The following PLEKHA4 variants were observed in gnomAD, a reference collection of about 807,000 sequenced individuals.
The protein encoded by PLEKHA4 is pleckstrin homology domain-containing family A member 4.
PLEKHA4 carries 73 observed loss-of-function variants against 94.7 expected under a neutral mutation model. The ratio of observed to expected loss-of-function variants is 0.77; its 90% CI spans 0.64 to 0.94. The LOEUF (loss-of-function observed/expected upper bound fraction) is 0.94, where lower values mean the gene tolerates loss of function less well. PLEKHA4 is among the 40% of genes least tolerant of loss of function. The pLI is 0.00. For synonymous variants in PLEKHA4, 449 were observed against 437.1 expected, an observed-to-expected ratio of 1.03 and a Z score of -0.34; for missense variants, 1,049 against 1,054.1, an observed-to-expected ratio of 1.00 and a Z score of 0.07.
chr19:48,859,223 C>T, intron 7 of PLEKHA4, 84 bp from the exon 8 acceptor site: 4 of 1,115,868 alleles, frequency 3.6e-6, no homozygotes, highest in South Asian at 1.4e-5. Flanking sequence ...GCCTCAAGGA[C>T]ATGTCTCACT....
chr19:48,860,437 G>C lies in PLEKHA4; in HGVS notation c.389C>G (p.Thr130Ser). 1.9e-6 allele frequency: 3 copies of C among 1,614,082 alleles called. No individual in the cohort carries two copies. The highest frequency in any genetic ancestry group is 2.5e-6 in the Non-Finnish European group (3 of 1,180,002). Residue 130 changes from threonine (T) to serine (S), a missense_variant, in exon 6 of 20, where the codon ACC becomes AGC. Physicochemically the swap from Thr to Ser is moderately conservative, Grantham distance 58. Coordinates refer to ENST00000263265, the MANE Select transcript of PLEKHA4 (RefSeq NM_020904.3). ...TFTAEHPGMRTYVLAADTLED... is the reference protein window; with the variant it reads ...TFTAEHPGMRSYVLAADTLED... ...TAAGGTGTCAGCGGCCAAAACGTAG[G>C]TCCTCATGCCCGGGTGCTCTGCCTG...
Position 48,867,198 on chromosome 19 carries a change from C to T in PLEKHA4, c.84+339G>A, listed in dbSNP as rs905152768. 5.9e-5 allele frequency among the ~76,000 whole-genome samples: 9 copies of T among 151,976 alleles called. No homozygotes were observed. The highest frequency in any genetic ancestry group is 1.5e-4 in the African/African-American group (6 of 41,370). ...TTTCATTAGTGGGTAGATTGGATGG[C>T]GAGAGATAGGACAGCAAGTTCTGGC... On this transcript the variant is annotated intron_variant, in intron 2 of 19. Coordinates refer to ENST00000263265, the MANE Select transcript of PLEKHA4 (RefSeq NM_020904.3). This position sits in a 1 kb window ranked among gnomAD's most constrained non-coding sequence, Gnocchi z 4.7.
intron 8 of PLEKHA4, among the ~76,000 whole-genome samples, chr19:48,858,162 A>C (rs939023654): frequency 6.6e-6 from 1 of 152,112 alleles, no homozygotes; most frequent in African/African-American, 2.4e-5. Flanking sequence ...TCATTCTCAG[A>C]CTTGCAGTCA....
At chr19:48,861,163 G>A (rs12610383) in intron 5 of PLEKHA4, among the ~76,000 whole-genome samples, 7,408 of 152,174 alleles carry the variant, frequency 0.049, 262 homozygotes, top group East Asian at 0.15. Context: ...AGCCGAGATC[G>A]CACCACTGCA....
chr19:48,853,497 C>A (rs893320393), intron 12 of PLEKHA4, among the ~76,000 whole-genome samples, 185 bp downstream of exon 12: 3 of 125,048 alleles, frequency 2.4e-5, no homozygotes, highest in African/African-American at 1.2e-4. Flanking sequence ...AGACTCTGTC[C>A]CCCCCAAAAA....
In PLEKHA4 at chr19:48,867,489, C is replaced by T. The variant is rs374699802; in HGVS notation, c.84+48G>A. 2.2e-5 allele frequency: 34 copies of T among 1,542,714 alleles called. No homozygotes were observed. Among genetic ancestry groups the T allele is most frequent in the African/African-American group, 2.7e-5 (2 of 73,834 alleles). ...GTCCTTGGGGAAACAGAAGGATGGG[C>T]GGCCCAGAGCCCCACCTTCCTCCCC... On this transcript the variant is annotated intron_variant, in intron 2 of 19. Transcript: ENST00000263265. The surrounding 1 kb of genome is among the most constrained non-coding windows in gnomAD (Gnocchi z 4.7).
At chr19:48,859,825 G>A in intron 6 of PLEKHA4, 141 bp from the exon 7 acceptor site, 1 of 782,762 alleles carries the variant, frequency 1.3e-6, no homozygotes. Flanking sequence ...CTTCAGAAGG[G>A]GAAACTGAGG....
intron 16 of PLEKHA4, among the ~76,000 whole-genome samples, chr19:48,842,143 C>CTTTTTTTT (rs398059794): frequency 1.6e-5 from 2 of 121,442 alleles, no homozygotes; most frequent in African/African-American, 3.4e-5. Flanking sequence ...AATTTATTTT[C>CTTTTTTTT]TTTTTTTTTT....
chr19:48,839,705 G>A (rs2035678278), intron 17 of PLEKHA4, among the ~76,000 whole-genome samples: 1 of 151,892 alleles, frequency 6.6e-6, no homozygotes, highest in African/African-American at 2.4e-5. Context: ...CCCAGTGACT[G>A]ACAATGTTTA....
intron 12 of PLEKHA4, 122 bp downstream of exon 12, chr19:48,853,560 A>G: frequency 9.4e-7 from 1 of 1,062,630 alleles, no homozygotes; most frequent in East Asian, 2.9e-5. Flanking sequence ...AAATAATAAA[A>G]TTTGGAGTGT....
intron 9 of PLEKHA4, 29 bp downstream of exon 9, chr19:48,857,393 G>A (rs751587681): frequency 1.8e-6 from 2 of 1,123,880 alleles, no homozygotes; most frequent in Non-Finnish European, 2.6e-6. Context: ...GGGGGCTCCG[G>A]TAGATTTAGG....
intron 17 of PLEKHA4, 24 bp from the exon 18 acceptor site, chr19:48,839,287 A>G: frequency 2.6e-6 from 4 of 1,529,876 alleles, no homozygotes; most frequent in Non-Finnish European, 3.6e-6. Context: ...GGGGCATTAG[A>G]ACTCCTCACC....
In PLEKHA4 at chr19:48,858,951, G is replaced by T; in HGVS notation, c.881C>A (p.Pro294His). Reference protein sequence around the residue: ...WGPQRQTLSRPPTPRRGPPSE... With the variant: ...WGPQRQTLSRHPTPRRGPPSE... ...GGGAGGTCCTCGGCGGGGAGTAGGG[G>T]GTCGGGAGAGGGTCTGGCGTTGGGG... Residue 294 changes from proline (P) to histidine (H), a missense_variant, in exon 8 of 20, where the codon CCC (proline) becomes CAC (histidine). By Grantham distance (77) the Pro-to-His change is moderately conservative. Transcript: ENST00000263265. 1.9e-6 allele frequency: 3 copies of T among 1,595,862 alleles called. No individual in the cohort carries two copies. Among genetic ancestry groups the T allele is most frequent in the Non-Finnish European group, 2.6e-6 (3 of 1,174,200 alleles).
rs559853299 is a variant in PLEKHA4 at position 48,867,269 on chromosome 19, T to C, written c.84+268A>G. On this transcript the variant is annotated intron_variant, in intron 2 of 19. Coordinates refer to ENST00000263265, the MANE Select transcript of PLEKHA4 (RefSeq NM_020904.3). The surrounding 1 kb of genome is among the most constrained non-coding windows in gnomAD (Gnocchi z 4.7). ...ACTTCTCAGAACTCGAGGGGCCTCA[T>C]GGCTGGGGAGCGGCTTTATCTTAGC... Among the ~76,000 whole-genome samples, 10 of 152,278 alleles carry C rather than the reference T, an allele frequency of 6.6e-5. No individual in the cohort carries two copies. The South Asian group carries it at 1.9e-3, about 28-fold the overall frequency.
In PLEKHA4 at chr19:48,853,831, C is replaced by T; in HGVS notation, c.1177G>A (p.Glu393Lys). 6.2e-7 allele frequency: 1 copy of T among 1,604,936 alleles called. No individual in the cohort carries two copies. The change falls in exon 12 of 20, where the codon GAG (glutamate) becomes AAG (lysine). Residue 393 changes from glutamate (E) to lysine (K), a missense_variant and splice_region_variant. Transcript: ENST00000263265. The part of the protein sequence containing the change: ...EEIDQKQEEK[E>K]QLEAALELTR... ...AACTCCAGAGCTGCTTCTAGTTGCTCCTGCACCAAGACAGAAGGTGGTTAG... is the reference window on the plus strand; with the variant it reads ...AACTCCAGAGCTGCTTCTAGTTGCTTCTGCACCAAGACAGAAGGTGGTTAG...
At chr19:48,855,201 T>C (rs2036355770) in intron 9 of PLEKHA4, among the ~76,000 whole-genome samples, 1 of 152,152 alleles carries the variant, frequency 6.6e-6, no homozygotes. Context: ...GACTCACTCC[T>C]GTAATCCCAA....
chr19:48,847,655 C>G (rs867745806), intron 14 of PLEKHA4, among the ~76,000 whole-genome samples: 3 of 152,082 alleles, frequency 2.0e-5, no homozygotes, highest in Non-Finnish European at 4.4e-5. Context: ...CCACTTGAAC[C>G]CAGGAGGTGG....
In PLEKHA4 at chr19:48,837,553, T is replaced by G; in HGVS notation, c.2078-2A>C. ...CTCCCTGGGAGTCCAAATTTCCACCTGGAGAGGATGAGTGGGACATGAGAA... is the reference window on the plus strand; with the variant it reads ...CTCCCTGGGAGTCCAAATTTCCACCGGGAGAGGATGAGTGGGACATGAGAA... On this transcript the variant is annotated splice_acceptor_variant, in intron 19 of 19. Coordinates refer to ENST00000263265, the MANE Select transcript of PLEKHA4 (RefSeq NM_020904.3). LOFTEE classifies it high-confidence loss of function. The surrounding 1 kb of genome is among the most constrained non-coding windows in gnomAD (Gnocchi z 4.3). The G allele has an allele frequency of 6.2e-7, 1 of 1,613,234 alleles. No homozygotes were observed. Among genetic ancestry groups the G allele is most frequent in the Non-Finnish European group, 8.5e-7 (1 of 1,179,746 alleles).
intron 3 of PLEKHA4, 74 bp from the exon 4 acceptor site, chr19:48,861,766 G>T: frequency 7.6e-7 from 1 of 1,317,346 alleles, no homozygotes; most frequent in Non-Finnish European, 1.1e-6. Context: ...TGACGATGGG[G>T]ACAGAGAGCC....
Sources: allele counts gnomAD v4.1 joint callset (sites outside exome capture counted in the v4.1 genomes callset), GRCh38; gene constraint gnomAD v4.1.1; non-coding constraint Gnocchi (gnomAD v3.1); transcripts MANE v1.5; gene names NCBI Gene and HGNC (gene_info 2026-07-23, HGNC 2026-07-21).